The following ANKRD33B variants were observed in gnomAD, a reference collection of about 807,000 sequenced individuals.
ANKRD33B encodes the protein ankyrin repeat domain 33B.
In ANKRD33B, 6 loss-of-function variants were observed where a neutral mutation model predicts 21.5. That is an observed-to-expected ratio of 0.28 (90% confidence interval 0.15 to 0.55). The LOEUF is 0.55. Ranked by LOEUF, ANKRD33B falls within the 20% of genes least tolerant of loss-of-function variation. ANKRD33B has a pLI of 0.94. For synonymous variants in ANKRD33B, 347 were observed against 342.4 expected (o/e 1.01, Z -0.15); for missense variants, 698 against 747.2 (o/e 0.93, Z 0.77).
chr5:10,628,590 C>T (rs1297766118), intron 2 of ANKRD33B, among the ~76,000 whole-genome samples: 1 of 152,212 alleles, frequency 6.6e-6, no homozygotes, highest in Non-Finnish European at 1.5e-5. Flanking sequence ...CTGGCCTCTT[C>T]GGGCCTTGGC....
In ANKRD33B at chr5:10,637,425, G is replaced by GAGACACACACAC. The variant is rs1275126479; in HGVS notation, c.497-602_497-601insGACACACACACA. 4.8e-3 allele frequency among the ~76,000 whole-genome samples: 477 copies of GAGACACACACAC among 100,388 alleles called. 5 individuals carry two copies. The highest frequency in any genetic ancestry group is 0.02 in the African/African-American group (454 of 23,014). 65.9% of individuals were successfully genotyped at this position (100,388 alleles called of 152,430 possible). A position where few individuals can be genotyped will look rare whatever the true frequency, so the allele number is the denominator to read the frequency against. ...GGATGTGTGTGGGCGTAGGTAGTTA[G>GAGACACACACAC]ACACACACACACACACACACACACA... On this transcript the variant is annotated intron_variant, in intron 2 of 3. Coordinates refer to ENST00000296657, the MANE Select transcript of ANKRD33B (RefSeq NM_001164440.2).
chr5:10,632,472 A>C (rs954551077), intron 2 of ANKRD33B, among the ~76,000 whole-genome samples: 5 of 152,100 alleles, frequency 3.3e-5, no homozygotes, highest in African/African-American at 9.7e-5. Flanking sequence ...GAGCGGAACC[A>C]GGGGTGTGGC....
intron 1 of ANKRD33B, among the ~76,000 whole-genome samples, chr5:10,565,993 C>T (rs1735044466): frequency 6.6e-6 from 1 of 152,190 alleles, no homozygotes; most frequent in African/African-American, 2.4e-5. Context: ...GTGGTTTGGG[C>T]TGGGCTTAGG....
Position 10,651,920 on chromosome 5 carries a change from ATCCCAGAAGGG to A in ANKRD33B, c.*1808_*1818del, listed in dbSNP as rs1323692373. ...TGAGATTGCAGTGAGTTCCTCCTTA[ATCCCAGAAGGG>A]CACCATGATGAATGCCACAGGAGAC... On this transcript the variant is annotated 3_prime_UTR_variant, in exon 4 of 4. Transcript: ENST00000296657. The A allele has an allele frequency of 3.3e-5, 5 of 152,400 alleles. No individual in the cohort carries two copies. The highest frequency in any genetic ancestry group is 7.3e-5 in the Non-Finnish European group (5 of 68,080). 9.4% of individuals were successfully genotyped at this position (152,400 alleles called of 1,614,324 possible).
intron 3 of ANKRD33B, among the ~76,000 whole-genome samples, chr5:10,640,435 A>G (rs140537754): frequency 1.3e-5 from 2 of 152,318 alleles, no homozygotes; most frequent in East Asian, 1.9e-4. Context: ...TCAATGAGCT[A>G]CTAAGCTAAA....
At chr5:10,589,952 T>C (rs370588255) in intron 1 of ANKRD33B, among the ~76,000 whole-genome samples, 15 of 122,316 alleles carry the variant, frequency 1.2e-4, no homozygotes, top group Non-Finnish European at 2.0e-4. Context: ...CTTTTAAATC[T>C]TTTTTTTTTT....
intron 1 of ANKRD33B, among the ~76,000 whole-genome samples, chr5:10,583,664 C>T (rs1430488063): frequency 1.3e-5 from 2 of 152,210 alleles, no homozygotes; most frequent in East Asian, 1.9e-4. Flanking sequence ...CGCCTCGCTG[C>T]TCTCTCCTGC....
chr5:10,623,162 C>T (rs1736461686), intron 2 of ANKRD33B, among the ~76,000 whole-genome samples: 1 of 152,182 alleles, frequency 6.6e-6, no homozygotes, highest in African/African-American at 2.4e-5. Flanking sequence ...TTAGTGCCCT[C>T]CCTGGCCTCA....
At chr5:10,598,303 G>A (rs2126566486) in intron 1 of ANKRD33B, among the ~76,000 whole-genome samples, 1 of 152,080 alleles carries the variant, frequency 6.6e-6, no homozygotes, top group African/African-American at 2.4e-5. Flanking sequence ...GTCTTGCTCT[G>A]TTGCCCAGGC....
chr5:10,653,102 C>G lies in ANKRD33B; in HGVS notation c.*2989C>G. 1 of 170,528 alleles carries G rather than the reference C, an allele frequency of 5.9e-6. No homozygotes were observed. Among genetic ancestry groups the G allele is most frequent in the Non-Finnish European group, 1.3e-5 (1 of 78,318 alleles). The allele number at this position is 170,528 out of a possible 1,614,324, so 10.6% of individuals were successfully genotyped here. ...GACCCAACTGAAAGAAGGGTCATTCCTGATTGAGTTGGAGACTCTCCCCAG... is the reference window on the plus strand; with the variant it reads ...GACCCAACTGAAAGAAGGGTCATTCGTGATTGAGTTGGAGACTCTCCCCAG... On this transcript the variant is annotated 3_prime_UTR_variant, in exon 4 of 4. Transcript: ENST00000296657.
intron 1 of ANKRD33B, among the ~76,000 whole-genome samples, chr5:10,611,734 A>G (rs910739205): frequency 2.0e-5 from 3 of 152,234 alleles, no homozygotes; most frequent in Admixed American, 2.0e-4. Context: ...GATACTAACA[A>G]TCACACTTGG....
chr5:10,564,584 G>A lies in ANKRD33B; in HGVS notation c.117G>A (p.Glu39=). Residue 39 remains glutamate (E), a synonymous_variant, in exon 1 of 4, where the codon GAG becomes GAA. Coordinates refer to ENST00000296657, the MANE Select transcript of ANKRD33B (RefSeq NM_001164440.2). ...AGGAGGACCCCGCTGACTACGAAGA[G>A]TTTGAGGACTTCTCGAGTCTGCCAG... ...QVEEDPADYE[E]FEDFSSLPDT... 1 of 1,534,670 alleles carries A rather than the reference G, an allele frequency of 6.5e-7. No individual in the cohort carries two copies. The highest frequency in any genetic ancestry group is 8.7e-7 in the Non-Finnish European group (1 of 1,146,586).
chr5:10,622,073 A>G (rs28657539), intron 2 of ANKRD33B, among the ~76,000 whole-genome samples: 31,930 of 152,254 alleles, frequency 0.21, 3,641 homozygotes, highest in Non-Finnish European at 0.26. Context: ...CACCTAGTCT[A>G]TGGTATTTTG....
At chr5:10,618,744 C>T (rs372340853) in intron 2 of ANKRD33B, among the ~76,000 whole-genome samples, 15 of 152,322 alleles carry the variant, frequency 9.8e-5, no homozygotes, top group Non-Finnish European at 1.9e-4. Flanking sequence ...CCTGAAGCCT[C>T]ACACTCCATC....
chr5:10,577,642 G>A (rs545295682), intron 1 of ANKRD33B, among the ~76,000 whole-genome samples: 22 of 152,338 alleles, frequency 1.4e-4, no homozygotes, highest in Non-Finnish European at 3.2e-4. Flanking sequence ...AGTCTGTATC[G>A]CTTCCTTCTA....
At chr5:10,568,710 T>G (rs1223613341) in intron 1 of ANKRD33B, among the ~76,000 whole-genome samples, 1 of 152,198 alleles carries the variant, frequency 6.6e-6, no homozygotes, top group Non-Finnish European at 1.5e-5. Flanking sequence ...AATTTTTGTA[T>G]TTTTAGTAGA....
chr5:10,644,399 A>AT (rs937375143), intron 3 of ANKRD33B, among the ~76,000 whole-genome samples: 3 of 152,142 alleles, frequency 2.0e-5, no homozygotes, highest in East Asian at 1.9e-4. Flanking sequence ...CGAGGATGTG[A>AT]TTTTTTTCTG....
intron 1 of ANKRD33B, among the ~76,000 whole-genome samples, chr5:10,607,479 G>A (rs981688334): frequency 1.3e-5 from 2 of 152,228 alleles, no homozygotes; most frequent in Non-Finnish European, 2.9e-5. Flanking sequence ...AGATGGTCAA[G>A]TCAGAACTCA....
intron 1 of ANKRD33B, among the ~76,000 whole-genome samples, chr5:10,599,314 G>A (rs1031943537): frequency 2.0e-5 from 3 of 151,886 alleles, no homozygotes; most frequent in Admixed American, 6.6e-5. Context: ...ATAGTTTGGG[G>A]CATATTCCAT....
Sources: gnomAD v4.1 joint callset for allele counts (sites outside exome capture counted in the v4.1 genomes callset) on GRCh38, gnomAD v4.1.1 for gene constraint, MANE v1.5 for transcripts, NCBI Gene and HGNC (gene_info 2026-07-23, HGNC 2026-07-21) for gene names.